CACNA2D2: variants seen among roughly 807,000 people sequenced by gnomAD.
CACNA2D2 encodes calcium voltage-gated channel auxiliary subunit alpha2delta 2, also known as voltage-dependent calcium channel subunit alpha-2/delta-2.
CACNA2D2 carries 48 observed loss-of-function variants against 166.4 expected under a neutral mutation model. That is an observed-to-expected ratio of 0.29 (90% CI 0.23 to 0.37). The LOEUF (loss-of-function observed/expected upper bound fraction) is 0.37, where lower values mean the gene tolerates loss of function less well. Ranked by LOEUF, CACNA2D2 falls within the 10% of genes least tolerant of loss-of-function variation. The pLI is 1.00. For missense variants in CACNA2D2, 1,122 were observed against 1,433.0 expected, an observed-to-expected ratio of 0.78 and a Z score of 3.50; for synonymous variants, 561 against 573.7, an observed-to-expected ratio of 0.98 and a Z score of 0.32.
In CACNA2D2 at chr3:50,423,165, C is replaced by T. The variant is rs1329227534; in HGVS notation, c.405+11148G>A. ...CAGCTCATGGATGGATCTCAGCTTG[C>T]CTGGTTCCTGGTCTCCTCAAGCCCC... On this transcript the variant is annotated intron_variant, in intron 3 of 37. Coordinates refer to ENST00000424201, the MANE Select transcript of CACNA2D2 (RefSeq NM_006030.4). Among the ~76,000 whole-genome samples, 4 of 152,334 alleles carry T rather than the reference C, an allele frequency of 2.6e-5. No homozygotes were observed. In the South Asian group the frequency reaches 8.3e-4, roughly 32 times the overall value.
At chr3:50,498,561 G>A (rs1263986186) in intron 1 of CACNA2D2, among the ~76,000 whole-genome samples, 1 of 152,214 alleles carries the variant, frequency 6.6e-6, no homozygotes, top group African/African-American at 2.4e-5. Context: ...GGGAAGGAAA[G>A]CTCTGGGCTG....
chr3:50,406,129 T>G (rs1706697629), intron 3 of CACNA2D2, among the ~76,000 whole-genome samples: 1 of 151,840 alleles, frequency 6.6e-6, no homozygotes, highest in African/African-American at 2.4e-5. Context: ...CTTTGTCAGA[T>G]GCAGCCATCC....
intron 1 of CACNA2D2, among the ~76,000 whole-genome samples, chr3:50,496,603 A>C (rs924416887): frequency 2.0e-5 from 3 of 152,224 alleles, no homozygotes; most frequent in African/African-American, 7.2e-5. Context: ...CTAGACTGCA[A>C]ATACCCCCTA....
At position 50,364,944 on chromosome 3, in the gene CACNA2D2, C is replaced by T. The variant is rs1704146379; in HGVS notation, c.3235G>A (p.Val1079Met). Residue 1079 changes from valine (V) to methionine (M), a missense_variant, in exon 37 of 38, where the codon GTG becomes ATG. Around this residue, in one of 2 missense-constraint regions of CACNA2D2, gnomAD observed 282 missense variants for 266.2 expected, o/e 1.06. Coordinates refer to ENST00000424201, the MANE Select transcript of CACNA2D2 (RefSeq NM_006030.4). ...HSDGPEQCEL[V>M]QRPRYRRGPH... ...CCTCTCCGGTATCGCGGTCTCTGCACTAGCTCACACTGCTCCGGGCCGTCC... is the reference window on the plus strand; with the variant it reads ...CCTCTCCGGTATCGCGGTCTCTGCATTAGCTCACACTGCTCCGGGCCGTCC... The T allele has an allele frequency of 5.0e-6, 8 of 1,613,214 alleles. No homozygotes were observed. Among genetic ancestry groups the T allele is most frequent in the Non-Finnish European group, 6.8e-6 (8 of 1,179,866 alleles).
chr3:50,379,782 T>C lies in CACNA2D2; in HGVS notation c.936A>G (p.Thr312=). ...VSGLTLKLMK[T]SVCEMLDTLS... is the part of the protein sequence containing the mutation. ...GCGTGTCCAGCATCTCGCAGACAGA[T>C]GTCTTCATCAGCTTCAGGGTCAGGC... is the stretch of plus-strand genomic sequence containing the variant. Residue 312 remains threonine (T), a synonymous_variant, in exon 10 of 38, where the codon ACA becomes ACG. Coordinates refer to ENST00000424201, the MANE Select transcript of CACNA2D2 (RefSeq NM_006030.4). This position sits in a 1 kb window ranked among gnomAD's most constrained non-coding sequence, Gnocchi z 6.5. 6.2e-7 allele frequency: 1 copy of C among 1,613,934 alleles called. No homozygotes were observed. Among genetic ancestry groups the C allele is most frequent in the South Asian group, 1.1e-5 (1 of 91,082 alleles).
intron 2 of CACNA2D2, among the ~76,000 whole-genome samples, chr3:50,475,430 G>A (rs1056190820): frequency 3.3e-5 from 5 of 152,034 alleles, no homozygotes; most frequent in Middle Eastern, 3.2e-3. Context: ...CACGTACCCC[G>A]AGAGTCGTAG....
In CACNA2D2 at chr3:50,365,569, T is replaced by C. The variant is rs1704210339; in HGVS notation, c.2971+64A>G. On this transcript the variant is annotated intron_variant, in intron 34 of 37. Transcript: ENST00000424201. The surrounding 1 kb of genome is among the most constrained non-coding windows in gnomAD (Gnocchi z 4.5). ...TCAGTCGTAGACCCCACCCTCCCCA[T>C]GGAGTCGTCTTAGCTCAGATTGGGG... is the stretch of plus-strand genomic sequence containing the variant. 6.3e-7 allele frequency: 1 copy of C among 1,580,938 alleles called. No homozygotes were observed. Among genetic ancestry groups the C allele is most frequent in the Non-Finnish European group, 8.6e-7 (1 of 1,162,806 alleles).
At chr3:50,461,937 G>A (rs1413208270) in intron 2 of CACNA2D2, among the ~76,000 whole-genome samples, 1 of 152,206 alleles carries the variant, frequency 6.6e-6, no homozygotes. Context: ...AGAGCAGCCA[G>A]TCTTCCCTGG....
chr3:50,365,021 G>A lies in CACNA2D2; in HGVS notation c.3209-51C>T. 1.2e-6 allele frequency: 2 copies of A among 1,602,142 alleles called. No homozygotes were observed. Among genetic ancestry groups the A allele is most frequent in the African/African-American group, 1.3e-5 (1 of 74,744 alleles). ...GGCGGACGGCGGCGGCGGCACGGAG[G>A]GGGCGCGCGGGGCAGAGGGGGAGCG... is the stretch of plus-strand genomic sequence containing the variant. On this transcript the variant is annotated intron_variant, in intron 36 of 37. Transcript: ENST00000424201. The surrounding 1 kb of genome is among the most constrained non-coding windows in gnomAD (Gnocchi z 4.5).
At chr3:50,447,511 C>A (rs749091179) in intron 2 of CACNA2D2, among the ~76,000 whole-genome samples, 1 of 152,136 alleles carries the variant, frequency 6.6e-6, no homozygotes, top group Non-Finnish European at 1.5e-5. Context: ...GGCAGCTCTA[C>A]TTCCTCCTTA....
In CACNA2D2 at chr3:50,415,237, GAGA is replaced by G. The variant is rs1375470550; in HGVS notation, c.405+19073_405+19075del. Reference sequence around the variant, plus strand: ...AGCCCAGCCAGGGCTGGCTCTGCCAGAGAAGCAGTGTCCTGGGTCTGCAATTCC... The same window carrying G: ...AGCCCAGCCAGGGCTGGCTCTGCCAGAGCAGTGTCCTGGGTCTGCAATTCC... On this transcript the variant is annotated intron_variant, in intron 3 of 37. Coordinates refer to ENST00000424201, the MANE Select transcript of CACNA2D2 (RefSeq NM_006030.4). Among the ~76,000 whole-genome samples the G allele has an allele frequency of 2.0e-5, 3 of 152,248 alleles. No homozygotes were observed. The East Asian group carries it at 5.8e-4, about 29-fold the overall frequency.
Position 50,429,414 on chromosome 3 carries a change from C to T in CACNA2D2, c.405+4899G>A, listed in dbSNP as rs1224139478. Among the ~76,000 whole-genome samples, 3 of 151,744 alleles carry T rather than the reference C, an allele frequency of 2.0e-5. No homozygotes were observed. The East Asian group carries it at 5.8e-4, about 30-fold the overall frequency. On this transcript the variant is annotated intron_variant, in intron 3 of 37. Transcript: ENST00000424201. ...CCGGCACTTGGTGGGCACTCAGAGG[C>T]CAGTAATCCTGGGAAGTAAAGATTT...
chr3:50,498,124 G>C (rs997224867), intron 1 of CACNA2D2, among the ~76,000 whole-genome samples: 4 of 152,134 alleles, frequency 2.6e-5, no homozygotes, highest in African/African-American at 9.7e-5. Flanking sequence ...TGGCTGGAAG[G>C]GGGAAGAGAG....
At chr3:50,368,062 G>A (rs587701770) in intron 24 of CACNA2D2, 76 bp downstream of exon 24, 66 of 1,255,794 alleles carry the variant, frequency 5.3e-5, no homozygotes, top group South Asian at 4.9e-4. Context: ...ACACCTGCCC[G>A]GCCTCTGGGT....
intron 3 of CACNA2D2, among the ~76,000 whole-genome samples, chr3:50,432,136 G>A (rs1318174282): frequency 2.0e-5 from 3 of 152,166 alleles, no homozygotes; most frequent in Non-Finnish European, 4.4e-5. Flanking sequence ...CAGGGAGAGG[G>A]TTGGGACCAG....
At chr3:50,470,601 G>GT (rs1710033111) in intron 2 of CACNA2D2, among the ~76,000 whole-genome samples, 1 of 14,006 alleles carries the variant, frequency 7.1e-5, no homozygotes, top group African/African-American at 5.3e-4. Context: ...GGAGGGGGCG[G>GT]GGGGGGGGGG....
chr3:50,377,856 C>G (rs1705071464), intron 15 of CACNA2D2, 53 bp from the exon 16 acceptor site: 1 of 1,546,088 alleles, frequency 6.5e-7, no homozygotes, highest in Non-Finnish European at 8.9e-7. Flanking sequence ...TGACCCCACC[C>G]TGAGTGTTCA....
chr3:50,467,253 C>T (rs1308712434), intron 2 of CACNA2D2, among the ~76,000 whole-genome samples: 1 of 152,158 alleles, frequency 6.6e-6, no homozygotes, highest in Non-Finnish European at 1.5e-5. Flanking sequence ...CCCTCCATAC[C>T]CTCACAAAGA....
At chr3:50,503,188 G>A (rs2107204972) in intron 1 of CACNA2D2, 30 bp downstream of exon 1, 2 of 1,166,992 alleles carry the variant, frequency 1.7e-6, no homozygotes, top group Middle Eastern at 3.5e-4. Flanking sequence ...AGGCTCGGCC[G>A]GGGTCTCGCG....
Sources: allele counts gnomAD v4.1 joint callset (sites outside exome capture counted in the v4.1 genomes callset), GRCh38; gene constraint gnomAD v4.1.1; regional missense constraint gnomAD v4.1.1; non-coding constraint Gnocchi (gnomAD v3.1); transcripts MANE v1.5; gene names NCBI Gene and HGNC (gene_info 2026-07-23, HGNC 2026-07-21).